The following CCDC7 variants were observed in gnomAD, a reference collection of about 807,000 sequenced individuals.
The protein encoded by CCDC7 is coiled-coil domain-containing protein 7.
A neutral mutation model predicts 196.9 loss-of-function variants in CCDC7; 183 were observed. The observed-to-expected ratio is 0.93, with a 90% CI of 0.82 to 1.05. The LOEUF is 1.05. CCDC7 is among the 50% of genes least tolerant of loss of function. The pLI, the probability that CCDC7 is intolerant of heterozygous loss-of-function variation, is 0.00. For synonymous variants in CCDC7, 525 were observed against 484.6 expected (o/e 1.08, Z -1.10); for missense variants, 1,540 against 1,482.2 (o/e 1.04, Z -0.64).
chr10:32,691,443 G>C (rs2077067666), intron 23 of CCDC7, among the ~76,000 whole-genome samples: 1 of 151,864 alleles, frequency 6.6e-6, no homozygotes, highest in Admixed American at 6.6e-5. Context: ...CCATTTTTAG[G>C]TCACACTGTT....
intron 16 of CCDC7, chr10:32,574,554 G>C: frequency 7.6e-7 from 1 of 1,309,438 alleles, no homozygotes; most frequent in Non-Finnish European, 9.9e-7. Context: ...GTACATTTTT[G>C]CTCTTTACAA....
intron 31 of CCDC7, among the ~76,000 whole-genome samples, chr10:32,821,227 G>T (rs543898103): frequency 2.0e-5 from 3 of 152,278 alleles, no homozygotes; most frequent in Non-Finnish European, 2.9e-5. Flanking sequence ...ACCATCACTG[G>T]CCACCAGAGA....
At chr10:32,490,598 CA>C (rs1414166147) in intron 8 of CCDC7, among the ~76,000 whole-genome samples, 1 of 152,030 alleles carries the variant, frequency 6.6e-6, no homozygotes, top group African/African-American at 2.4e-5. Flanking sequence ...AGATTGAGAC[CA>C]TCCTGGCTAA....
chr10:32,700,467 A>G (rs564851705), intron 24 of CCDC7, among the ~76,000 whole-genome samples: 21 of 151,658 alleles, frequency 1.4e-4, no homozygotes, highest in Admixed American at 4.6e-4. Context: ...GCCTTGTAGT[A>G]TAGTTTGAAG....
chr10:32,555,860 G>A (rs923151150), intron 13 of CCDC7, among the ~76,000 whole-genome samples: 5 of 152,196 alleles, frequency 3.3e-5, no homozygotes, highest in Admixed American at 1.3e-4. Flanking sequence ...TGCAAGATAA[G>A]TTTTATTCCT....
intron 20 of CCDC7, among the ~76,000 whole-genome samples, chr10:32,645,943 T>G (rs1346448152): frequency 6.6e-6 from 1 of 152,034 alleles, no homozygotes; most frequent in African/African-American, 2.4e-5. Context: ...TTTTAGTCTA[T>G]CTAAAGGTTT....
At chr10:32,790,872 C>T (rs2082585740) in intron 29 of CCDC7, among the ~76,000 whole-genome samples, 1 of 152,144 alleles carries the variant, frequency 6.6e-6, no homozygotes, top group Admixed American at 6.5e-5. Flanking sequence ...TTTTGCAAGA[C>T]ACTAAGCACA....
downstream of CCDC7, among the ~76,000 whole-genome samples, chr10:32,879,799 G>C (rs189473851): frequency 6.9e-6 from 1 of 145,164 alleles, no homozygotes; most frequent in Non-Finnish European, 1.5e-5. Flanking sequence ...GTGAGAACCT[G>C]TGGTGATTGG....
intron 18 of CCDC7, among the ~76,000 whole-genome samples, chr10:32,604,638 C>CGAA (rs2061389720): frequency 6.6e-6 from 1 of 151,928 alleles, no homozygotes; most frequent in South Asian, 2.1e-4. Context: ...AGGTCTTTCA[C>CGAA]CTTCATCATT....
At chr10:32,666,989 C>T (rs895143265) in intron 21 of CCDC7, among the ~76,000 whole-genome samples, 4 of 152,148 alleles carry the variant, frequency 2.6e-5, no homozygotes, top group Non-Finnish European at 5.9e-5. Flanking sequence ...TACAGTCCCA[C>T]CAACAGTGTA....
intron 20 of CCDC7, among the ~76,000 whole-genome samples, chr10:32,663,322 C>A (rs919267167): frequency 6.6e-6 from 1 of 152,158 alleles, no homozygotes; most frequent in Non-Finnish European, 1.5e-5. Flanking sequence ...ATTGTAGACA[C>A]TCAGTGCTAG....
At chr10:32,542,042 A>G (rs999322511) in intron 11 of CCDC7, among the ~76,000 whole-genome samples, 3 of 152,150 alleles carry the variant, frequency 2.0e-5, no homozygotes, top group African/African-American at 7.2e-5. Context: ...TACAGGGTCA[A>G]TGTTCACTAG....
At chr10:32,751,395 C>G (rs1030536969) in intron 28 of CCDC7, among the ~76,000 whole-genome samples, 1 of 151,906 alleles carries the variant, frequency 6.6e-6, no homozygotes, top group Non-Finnish European at 1.5e-5. Context: ...ATCCCAAATG[C>G]CAAGATGGCA....
intron 21 of CCDC7, among the ~76,000 whole-genome samples, chr10:32,667,060 T>C (rs1216008595): frequency 6.6e-6 from 1 of 152,180 alleles, no homozygotes; most frequent in South Asian, 2.1e-4. Flanking sequence ...TTTTTAATGA[T>C]CACCATTCTA....
intron 25 of CCDC7, chr10:32,725,426 T>C (rs1565299554): frequency 2.1e-6 from 1 of 469,958 alleles, no homozygotes; most frequent in Admixed American, 2.4e-5. Flanking sequence ...GGATTAGTAC[T>C]TGTTTTTTTG....
chr10:32,550,971 T>TG (rs2053381164), intron 13 of CCDC7, among the ~76,000 whole-genome samples: 2 of 152,160 alleles, frequency 1.3e-5, no homozygotes, highest in Admixed American at 1.3e-4. Flanking sequence ...TCAAAAGGAT[T>TG]GGTACCAATT....
intron 24 of CCDC7, among the ~76,000 whole-genome samples, chr10:32,702,279 C>T (rs2078890975): frequency 6.6e-6 from 1 of 152,100 alleles, no homozygotes; most frequent in African/African-American, 2.4e-5. Context: ...CGTTGTGTAC[C>T]TAGTAGTCAT....
chr10:32,684,237 T>C (rs1470079631), intron 21 of CCDC7, among the ~76,000 whole-genome samples: 2 of 152,164 alleles, frequency 1.3e-5, no homozygotes, highest in Non-Finnish European at 2.9e-5. Flanking sequence ...GGGAGATCCC[T>C]GCCTCCCTTC....
intron 18 of CCDC7, among the ~76,000 whole-genome samples, chr10:32,594,760 GC>G (rs1241750900): frequency 1.3e-5 from 2 of 152,132 alleles, no homozygotes; most frequent in African/African-American, 4.8e-5. Context: ...TTAGCATGAA[GC>G]GCTGTTGAAT....
Sources: gnomAD v4.1 joint callset for allele counts (sites outside exome capture counted in the v4.1 genomes callset) on GRCh38, gnomAD v4.1.1 for gene constraint, MANE v1.5 for transcripts, NCBI Gene and HGNC (gene_info 2026-07-23, HGNC 2026-07-21) for gene names.